Variants in FREM2 observed in about 807,000 individuals in gnomAD.
FREM2 encodes the protein FRAS1 related extracellular matrix 2.
In FREM2, 119 loss-of-function variants were observed where a neutral mutation model predicts 219.9. The observed-to-expected ratio is 0.54, with a 90% CI of 0.47 to 0.63. The LOEUF is 0.63. FREM2 is among the 30% of genes least tolerant of loss of function. The probability of loss-of-function intolerance (pLI) is 0.00; values close to 1 mark genes in which losing one functional copy is unlikely to be tolerated. For missense variants in FREM2, 4,030 were observed against 3,993.6 expected (o/e 1.01, Z -0.25); for synonymous variants, 1,562 against 1,522.8 (o/e 1.03, Z -0.60).
intron 2 of FREM2, among the ~76,000 whole-genome samples, chr13:38,746,721 G>A (rs1445713993): frequency 6.6e-6 from 1 of 152,142 alleles, no homozygotes; most frequent in East Asian, 1.9e-4. Context: ...TTCAAGTAAA[G>A]GGATTTATCA....
intron 6 of FREM2, among the ~76,000 whole-genome samples, chr13:38,799,093 A>G (rs1305109501): frequency 6.6e-6 from 1 of 151,716 alleles, no homozygotes; most frequent in Non-Finnish European, 1.5e-5. Flanking sequence ...GTATTTCTAC[A>G]TTTTCGATGT....
At chr13:38,763,417 A>G (rs1330122892) in intron 2 of FREM2, among the ~76,000 whole-genome samples, 1 of 147,982 alleles carries the variant, frequency 6.8e-6, no homozygotes, top group Admixed American at 6.7e-5. Flanking sequence ...TGCAAAGAGA[A>G]GAAACTAGAA....
chr13:38,714,930 CA>C (rs11302570), intron 2 of FREM2, among the ~76,000 whole-genome samples: 119,519 of 147,848 alleles, frequency 0.81, 48,850 homozygotes, highest in South Asian at 0.89. Flanking sequence ...ACTAAAAATA[CA>C]AAAAAAAAAA....
At chr13:38,869,781 A>C (rs1276302570) in intron 16 of FREM2, among the ~76,000 whole-genome samples, 1 of 152,220 alleles carries the variant, frequency 6.6e-6, no homozygotes, top group East Asian at 1.9e-4. Flanking sequence ...TTTAGATGCA[A>C]AATGGTTATT....
At chr13:38,847,361 C>T (rs1382695832) in intron 7 of FREM2, among the ~76,000 whole-genome samples, 5 of 152,060 alleles carry the variant, frequency 3.3e-5, no homozygotes, top group Admixed American at 6.6e-5. Flanking sequence ...AACACACATG[C>T]ATGTCATACA....
At chr13:38,808,293 C>T (rs773257035) in intron 6 of FREM2, among the ~76,000 whole-genome samples, 4 of 151,862 alleles carry the variant, frequency 2.6e-5, no homozygotes, top group African/African-American at 7.2e-5. Flanking sequence ...AAACTTTCTC[C>T]GTATCATCAA....
intron 6 of FREM2, among the ~76,000 whole-genome samples, chr13:38,811,471 G>C (rs1389788986): frequency 6.6e-6 from 1 of 151,906 alleles, no homozygotes; most frequent in Non-Finnish European, 1.5e-5. Flanking sequence ...CTGCTTTGCT[G>C]TATCCCATAG....
Position 38,824,493 on chromosome 13 carries a change from G to A in FREM2, c.6020-22080G>A, listed in dbSNP as rs74048352. Among the ~76,000 whole-genome samples, 831 of 152,198 alleles carry A rather than the reference G, an allele frequency of 5.5e-3. 5 individuals are homozygous for A. The highest frequency in any genetic ancestry group is 0.019 in the African/African-American group (796 of 41,562). On this transcript the variant is annotated intron_variant, in intron 6 of 23. Transcript: ENST00000280481. ...TCAGCCACACCATGTAGGAGATAGA[G>A]TTATTACTCAAATCAGTCTCACCAA...
rs1307664270 is a variant in FREM2, at chr13:38,884,191, A to C, written c.*3404A>C. On this transcript the variant is annotated 3_prime_UTR_variant, in exon 24 of 24. Transcript: ENST00000280481. The stretch of plus-strand genomic sequence containing the variant: ...GATAAGAAGGACCAACTCTAGGCTC[A>C]ATATGAAGGGATTTAGTTCTGTAAG... 1.3e-5 allele frequency: 2 copies of C among 152,234 alleles called. No homozygotes were observed. The highest frequency in any genetic ancestry group is 6.5e-5 in the Admixed American group (1 of 15,282). 9.4% of individuals were successfully genotyped at this position (152,234 alleles called of 1,614,324 possible).
chr13:38,830,478 A>C (rs985342815), intron 6 of FREM2, among the ~76,000 whole-genome samples: 13 of 152,298 alleles, frequency 8.5e-5, no homozygotes, highest in Non-Finnish European at 1.8e-4. Flanking sequence ...TTATGGTCTA[A>C]CTCTGCTTCA....
chr13:38,834,082 A>G (rs1876615998), intron 6 of FREM2, among the ~76,000 whole-genome samples: 1 of 152,228 alleles, frequency 6.6e-6, no homozygotes, highest in East Asian at 1.9e-4. Context: ...AGTTTGTTAC[A>G]TAGGTATACA....
Position 38,692,017 on chromosome 13 carries a change from T to C in FREM2, c.4673T>C (p.Val1558Ala). 2 of 1,614,242 alleles carry C rather than the reference T, an allele frequency of 1.2e-6. No individual in the cohort carries two copies. The highest frequency in any genetic ancestry group is 1.7e-6 in the Non-Finnish European group (2 of 1,180,050). ...CTGATTACTCCTTTTGAGCTCACTG[T>C]CGAAGACAGAGATACTCCTGACAAG... ...NKLITPFELT[V>A]EDRDTPDKLL... Residue 1558 changes from valine (V) to alanine (A), a missense_variant, in exon 1 of 24, where the codon GTC becomes GCC. Val to Ala is a moderately conservative substitution (Grantham distance 64). This residue lies in a region of FREM2 where 3,102 missense variants were observed against 2,950.7 expected (regional missense o/e 1.05). Coordinates refer to ENST00000280481, the MANE Select transcript of FREM2 (RefSeq NM_207361.6).
At chr13:38,712,677 AAC>A (rs147799705) in intron 2 of FREM2, among the ~76,000 whole-genome samples, 34 of 115,862 alleles carry the variant, frequency 2.9e-4, no homozygotes, top group African/African-American at 9.8e-4. Context: ...CACACACACA[AAC>A]ACACACACAC....
At chr13:38,793,596 T>C (rs1874651647) in intron 6 of FREM2, among the ~76,000 whole-genome samples, 1 of 152,156 alleles carries the variant, frequency 6.6e-6, no homozygotes, top group African/African-American at 2.4e-5. Flanking sequence ...ATTCTTGCAA[T>C]AGAAATAGGT....
chr13:38,851,601 C>A, intron 10 of FREM2, 85 bp from the exon 11 acceptor site: 1 of 1,072,876 alleles, frequency 9.3e-7, no homozygotes, highest in Non-Finnish European at 1.4e-6. Flanking sequence ...TTTATCCCCT[C>A]CCACATGGAA....
chr13:38,716,346 C>T (rs1871000188), intron 2 of FREM2, among the ~76,000 whole-genome samples: 1 of 152,126 alleles, frequency 6.6e-6, no homozygotes, highest in Admixed American at 6.5e-5. Context: ...TTCGAATCAG[C>T]CTGCATCCAG....
At chr13:38,861,725 C>A (rs1877770428) in intron 15 of FREM2, among the ~76,000 whole-genome samples, 163 bp downstream of exon 15, 1 of 152,144 alleles carries the variant, frequency 6.6e-6, no homozygotes. Flanking sequence ...TTTGTTCTAC[C>A]CTGTTTTTAT....
chr13:38,691,169 C>T lies in FREM2; in HGVS notation c.3825C>T (p.Asp1275=). The T allele has an allele frequency of 6.2e-7, 1 of 1,614,022 alleles. No homozygotes were observed. The highest frequency in any genetic ancestry group is 8.5e-7 in the Non-Finnish European group (1 of 1,179,996). ...YEHDDSETQE[D]SFVIKLTDGK... Reference sequence around the variant, plus strand: ...ATGATGACTCCGAGACCCAGGAAGACAGTTTTGTGATTAAACTAACAGATG... The same window carrying T: ...ATGATGACTCCGAGACCCAGGAAGATAGTTTTGTGATTAAACTAACAGATG... Residue 1275 remains aspartate, a synonymous_variant, in exon 1 of 24, where the codon GAC becomes GAT. Coordinates refer to ENST00000280481, the MANE Select transcript of FREM2 (RefSeq NM_207361.6).
chr13:38,770,640 T>C (rs1873624105), intron 4 of FREM2, among the ~76,000 whole-genome samples: 1 of 152,164 alleles, frequency 6.6e-6, no homozygotes, highest in Admixed American at 6.5e-5. Flanking sequence ...GTTTCCACAT[T>C]TGTGGCATAA....
Sources: gnomAD v4.1 joint callset for allele counts (sites outside exome capture counted in the v4.1 genomes callset) on GRCh38, gnomAD v4.1.1 for gene constraint, gnomAD v4.1.1 regional missense constraint, MANE v1.5 for transcripts, NCBI Gene and HGNC (gene_info 2026-07-23, HGNC 2026-07-21) for gene names.